MGLL: variants seen among roughly 807,000 people sequenced by gnomAD.
MGLL encodes monoglyceride lipase, also known as lysophospholipase homolog.
In MGLL, 7 loss-of-function variants were observed where a neutral mutation model predicts 29.1. The ratio of observed to expected loss-of-function variants is 0.24; its 90% CI spans 0.14 to 0.45. MGLL has a LOEUF of 0.45. Among genes scored for constraint, MGLL ranks in the 20% least tolerant of loss-of-function variants. The probability of loss-of-function intolerance (pLI) is 0.99; values close to 1 mark genes in which losing one functional copy is unlikely to be tolerated. For synonymous variants in MGLL, 148 were observed against 168.3 expected, an observed-to-expected ratio of 0.88 and a Z score of 0.93; for missense variants, 356 against 413.6, an observed-to-expected ratio of 0.86 and a Z score of 1.21.
intron 2 of MGLL, among the ~76,000 whole-genome samples, chr3:127,787,209 C>T (rs552731387): frequency 1.3e-5 from 2 of 152,350 alleles, no homozygotes; most frequent in South Asian, 4.1e-4. Context: ...TGCAATACAC[C>T]AGCAGCCACT....
At chr3:127,821,906 A>G (rs1246348265) in intron 1 of MGLL, 68 bp from the exon 2 acceptor site, 4 of 1,517,672 alleles carry the variant, frequency 2.6e-6, no homozygotes, top group Non-Finnish European at 3.6e-6. Flanking sequence ...AGGAGAGAAA[A>G]GTCTAGTTCA....
chr3:127,788,680 T>G (rs1385182327), intron 2 of MGLL, among the ~76,000 whole-genome samples: 5 of 152,172 alleles, frequency 3.3e-5, no homozygotes. Flanking sequence ...CCGCAGTCCT[T>G]CCACGCTTCC....
At chr3:127,800,240 C>G (rs2077452424) in intron 2 of MGLL, among the ~76,000 whole-genome samples, 1 of 152,180 alleles carries the variant, frequency 6.6e-6, no homozygotes, top group African/African-American at 2.4e-5. Context: ...GTGACCCTAC[C>G]AACTTGGACT....
At chr3:127,764,345 G>T (rs1487724576) in intron 3 of MGLL, among the ~76,000 whole-genome samples, 2 of 152,184 alleles carry the variant, frequency 1.3e-5, no homozygotes, top group Admixed American at 6.5e-5. Context: ...AGTGGAAGGG[G>T]TCCCACTGGC....
chr3:127,694,838 C>A (rs181661164), intron 7 of MGLL, 137 bp downstream of exon 7: 1 of 740,818 alleles, frequency 1.3e-6, no homozygotes, highest in Non-Finnish European at 2.3e-6. Context: ...TTATTTATTT[C>A]TCGGTCAAGC....
intron 2 of MGLL, among the ~76,000 whole-genome samples, chr3:127,802,097 G>C (rs887280310): frequency 6.6e-6 from 1 of 152,142 alleles, no homozygotes; most frequent in Non-Finnish European, 1.5e-5. Flanking sequence ...TAGCAGATGA[G>C]CATATGCCAG....
intron 3 of MGLL, among the ~76,000 whole-genome samples, chr3:127,771,368 C>T (rs767254031): frequency 2.6e-5 from 4 of 151,952 alleles, no homozygotes; most frequent in African/African-American, 7.3e-5. Context: ...TTATTTTTTG[C>T]GATAGGGTCT....
At chr3:127,783,938 G>A (rs1252728930) in intron 2 of MGLL, 1 of 152,240 alleles carries the variant, frequency 6.6e-6, no homozygotes, top group Non-Finnish European at 1.5e-5. Context: ...AACCCCCTTT[G>A]GGAGCACAGC....
intron 6 of MGLL, among the ~76,000 whole-genome samples, chr3:127,697,154 G>A (rs1268740989): frequency 6.6e-6 from 1 of 152,236 alleles, no homozygotes; most frequent in Non-Finnish European, 1.5e-5. Context: ...GGGACTGGCA[G>A]GGCAGTTCAT....
intron 2 of MGLL, among the ~76,000 whole-genome samples, chr3:127,788,720 G>A (rs1346875019): frequency 1.3e-5 from 2 of 152,104 alleles, no homozygotes; most frequent in Non-Finnish European, 2.9e-5. Flanking sequence ...ACCCTCCTGG[G>A]GCCCTGCATT....
At chr3:127,805,619 C>T (rs963718871) in intron 2 of MGLL, among the ~76,000 whole-genome samples, 1 of 152,204 alleles carries the variant, frequency 6.6e-6, no homozygotes, top group Non-Finnish European at 1.5e-5. Flanking sequence ...CATCTGTACA[C>T]ACAGCTGAGT....
intron 3 of MGLL, chr3:127,736,445 C>A: frequency 1.4e-6 from 1 of 739,476 alleles, no homozygotes; most frequent in African/African-American, 1.9e-5. Context: ...AGAGAGAACA[C>A]GTGAGAAATG....
chr3:127,794,648 A>C (rs2077355768), intron 2 of MGLL, among the ~76,000 whole-genome samples: 1 of 152,186 alleles, frequency 6.6e-6, no homozygotes, highest in African/African-American at 2.4e-5. Context: ...TATGATGTCA[A>C]ACTGTCTTCC....
intron 5 of MGLL, 54 bp downstream of exon 5, chr3:127,720,999 G>C: frequency 6.8e-7 from 1 of 1,461,798 alleles, no homozygotes; most frequent in Non-Finnish European, 9.6e-7. Context: ...ACAAATGGAA[G>C]ACCCATGTCC....
intron 3 of MGLL, among the ~76,000 whole-genome samples, chr3:127,766,153 C>G (rs927257688): frequency 3.1e-4 from 47 of 152,076 alleles, no homozygotes; most frequent in African/African-American, 1.1e-3. Context: ...AGTCTGGGCC[C>G]TCTCTCCCTC....
chr3:127,714,552 C>T (rs1279096282), intron 5 of MGLL, among the ~76,000 whole-genome samples: 6 of 152,174 alleles, frequency 3.9e-5, no homozygotes, highest in Non-Finnish European at 7.3e-5. Flanking sequence ...TGTTCCATCA[C>T]GAATGTAGAT....
At chr3:127,731,333 TTTATTATTA>T (rs140919604) in intron 3 of MGLL, among the ~76,000 whole-genome samples, 22,907 of 145,294 alleles carry the variant, frequency 0.16, 2,294 homozygotes, top group East Asian at 0.48. Flanking sequence ...CTTGGTGGCT[TTTATTATTA>T]TTATTATTAT....
chr3:127,748,187 A>T (rs753653304), intron 3 of MGLL, among the ~76,000 whole-genome samples: 9 of 152,150 alleles, frequency 5.9e-5, no homozygotes, highest in Non-Finnish European at 1.3e-4. Context: ...ATATTTTTCC[A>T]TAAAAGCATG....
intron 2 of MGLL, among the ~76,000 whole-genome samples, chr3:127,787,317 T>A (rs1484749317): frequency 6.6e-6 from 1 of 152,208 alleles, no homozygotes; most frequent in Non-Finnish European, 1.5e-5. Flanking sequence ...TTGGCTGGAC[T>A]TGCTGGCCCC....
Sources: allele counts gnomAD v4.1 joint callset (sites outside exome capture counted in the v4.1 genomes callset), GRCh38; gene constraint gnomAD v4.1.1; transcripts MANE v1.5; gene names NCBI Gene and HGNC (gene_info 2026-07-23, HGNC 2026-07-21).